Variants in LRP1B observed in about 807,000 individuals in gnomAD.
LRP1B encodes the protein LDL receptor related protein 1B.
LRP1B carries 217 observed loss-of-function variants against 556.6 expected under a neutral mutation model. The ratio of observed to expected loss-of-function variants is 0.39; its 90% CI spans 0.35 to 0.44. LRP1B has a LOEUF of 0.44. Among genes scored for constraint, LRP1B ranks in the 20% least tolerant of loss-of-function variants. LRP1B has a pLI of 1.00. For synonymous variants in LRP1B, 2,047 were observed against 1,865.8 expected (o/e 1.10, Z -2.50); for missense variants, 5,053 against 5,620.8 (o/e 0.90, Z 3.23).
chr2:141,693,171 C>A (rs992551882), intron 2 of LRP1B, among the ~76,000 whole-genome samples: 1 of 152,010 alleles, frequency 6.6e-6, no homozygotes, highest in African/African-American at 2.4e-5. Flanking sequence ...AAAGTAGAGT[C>A]TTTTTGTCCT....
chr2:140,760,026 G>C (rs1688861897), intron 35 of LRP1B, among the ~76,000 whole-genome samples: 1 of 151,340 alleles, frequency 6.6e-6, no homozygotes. Flanking sequence ...AAACTTCAAA[G>C]AATGGTTGGA....
At chr2:140,600,395 T>C (rs1333331786) in intron 42 of LRP1B, among the ~76,000 whole-genome samples, 1 of 152,170 alleles carries the variant, frequency 6.6e-6, no homozygotes, top group Non-Finnish European at 1.5e-5. Flanking sequence ...TAAGATGATG[T>C]TCAATTAAGT....
At chr2:142,031,332 T>TTA (rs1553506162) in intron 1 of LRP1B, among the ~76,000 whole-genome samples, 18 of 122,482 alleles carry the variant, frequency 1.5e-4, no homozygotes, top group African/African-American at 5.5e-4. Context: ...TTATACTTAT[T>TTA]TTTTTTTTTT....
At chr2:141,850,109 G>A (rs1473117712) in intron 1 of LRP1B, among the ~76,000 whole-genome samples, 1 of 151,570 alleles carries the variant, frequency 6.6e-6, no homozygotes, top group Non-Finnish European at 1.5e-5. Flanking sequence ...TGATTCATTC[G>A]ATTTTGTTAA....
intron 2 of LRP1B, among the ~76,000 whole-genome samples, chr2:141,719,109 T>TA (rs1378848887): frequency 6.6e-6 from 1 of 152,020 alleles, no homozygotes; most frequent in Non-Finnish European, 1.5e-5. Flanking sequence ...GTGAGAAAAA[T>TA]AGACTTGCTG....
rs1687922196 is a variant in LRP1B at position 140,475,215 on chromosome 2, T to C, written c.9548A>G (p.Tyr3183Cys). 1 of 1,611,720 alleles carries C rather than the reference T, an allele frequency of 6.2e-7. No homozygotes were observed. The change falls in exon 60 of 91, where the codon TAT (tyrosine) becomes TGT (cysteine). Residue 3183 changes from tyrosine (Y) to cysteine (C), a missense_variant. This residue lies in a region of LRP1B where 3,619 missense variants were observed against 3,931.9 expected (regional missense o/e 0.92). Transcript: ENST00000389484. Reference protein sequence around the residue: ...ISRPMALTIDYVNRRLYWADE... With the variant: ...ISRPMALTIDCVNRRLYWADE... ...GGCCCAGTAGAGTCTACGATTAACA[T>C]AATCTATTGTTAGTGCCATAGGTCT...
intron 2 of LRP1B, among the ~76,000 whole-genome samples, chr2:141,588,853 T>A (rs927606392): frequency 3.9e-5 from 6 of 152,178 alleles, no homozygotes; most frequent in African/African-American, 1.4e-4. Context: ...GGAAATAAAT[T>A]TTATGTGTTA....
intron 23 of LRP1B, chr2:140,898,659 T>C: frequency 2.3e-6 from 1 of 440,694 alleles, no homozygotes; most frequent in Non-Finnish European, 4.5e-6. Context: ...CCTAATGAGA[T>C]TATGCAATCC....
chr2:140,610,132 C>T (rs1370860888), intron 41 of LRP1B, among the ~76,000 whole-genome samples: 1 of 151,896 alleles, frequency 6.6e-6, no homozygotes, highest in Non-Finnish European at 1.5e-5. Context: ...TCTTCACCTA[C>T]TTCATTTCCT....
Position 140,526,289 on chromosome 2 carries a change from T to C in LRP1B, c.7824A>G (p.Ala2608=). 2 of 1,612,084 alleles carry C rather than the reference T, an allele frequency of 1.2e-6. No homozygotes were observed. The highest frequency in any genetic ancestry group is 1.7e-6 in the Non-Finnish European group (2 of 1,178,658). Residue 2608 remains alanine (A), a synonymous_variant, in exon 48 of 91, where the codon GCA becomes GCG. Transcript: ENST00000389484. ...CADGTCIPRS[A]RCNQNIDCAD... ...CACAATCTATGTTCTGGTTGCATCG[T>C]GCTGATCTTGGAATACAAGTCCCAT...
At chr2:141,652,863 G>A (rs901662411) in intron 2 of LRP1B, among the ~76,000 whole-genome samples, 1 of 152,068 alleles carries the variant, frequency 6.6e-6, no homozygotes, top group Non-Finnish European at 1.5e-5. Context: ...TCTACCTCTT[G>A]TCATATATAA....
At chr2:140,510,103 G>A (rs762010988) in intron 51 of LRP1B, 47 bp from the exon 52 acceptor site, 1 of 1,593,812 alleles carries the variant, frequency 6.3e-7, no homozygotes, top group Non-Finnish European at 8.6e-7. Flanking sequence ...TGTGTCCACT[G>A]GAAAATGTCT....
rs78584557 is a variant in LRP1B at position 140,986,781 on chromosome 2, T to C, written c.2770+2751A>G. 2.8e-3 allele frequency among the ~76,000 whole-genome samples: 420 copies of C among 152,312 alleles called. 3 individuals are homozygous for C. Among genetic ancestry groups the C allele is most frequent in the African/African-American group, 9.2e-3 (382 of 41,580 alleles). ...GAGGAAAGGCATTGTGTATTTTCTTTCATTCTATCACCAGTGCTTTGGTAG... is the reference window on the plus strand; with the variant it reads ...GAGGAAAGGCATTGTGTATTTTCTTCCATTCTATCACCAGTGCTTTGGTAG... On this transcript the variant is annotated intron_variant, in intron 17 of 90. Transcript: ENST00000389484.
chr2:141,387,070 T>C (rs1379414060), intron 3 of LRP1B, among the ~76,000 whole-genome samples: 2 of 151,910 alleles, frequency 1.3e-5, no homozygotes, highest in Admixed American at 6.6e-5. Flanking sequence ...CTGCCAAATA[T>C]GTAGAAATTT....
intron 10 of LRP1B, among the ~76,000 whole-genome samples, chr2:141,051,089 A>C (rs1699021986): frequency 6.6e-6 from 1 of 152,122 alleles, no homozygotes; most frequent in Non-Finnish European, 1.5e-5. Flanking sequence ...ACTATCTCGC[A>C]CCAGTCAAAA....
At chr2:141,544,314 T>TTCTTCTTCTTCTTCTTCTTCTTCTTCTTC (rs1685406653) in intron 2 of LRP1B, among the ~76,000 whole-genome samples, 1 of 23,706 alleles carries the variant, frequency 4.2e-5, no homozygotes, top group African/African-American at 2.6e-4. Context: ...CTTCTTCTTC[T>TTCTTCTTCTTCTTCTTCTTCTTCTTCTTC]TCTTCTTCTT....
chr2:140,280,862 A>G (rs190404727), intron 84 of LRP1B, among the ~76,000 whole-genome samples: 5 of 151,966 alleles, frequency 3.3e-5, no homozygotes, highest in Non-Finnish European at 5.9e-5. Flanking sequence ...AGTAGAGTGA[A>G]CCATGAACTT....
intron 82 of LRP1B, among the ~76,000 whole-genome samples, chr2:140,315,363 GAAT>G (rs1411972831): frequency 1.3e-5 from 2 of 151,916 alleles, no homozygotes; most frequent in African/African-American, 2.4e-5. Flanking sequence ...GTAAAATACT[GAAT>G]AGTAAAACTA....
chr2:141,487,183 C>A (rs1683153666), intron 2 of LRP1B, among the ~76,000 whole-genome samples: 1 of 152,156 alleles, frequency 6.6e-6, no homozygotes. Flanking sequence ...TCTTTTCCTG[C>A]AACTTTTCTG....
Sources: allele counts gnomAD v4.1 joint callset (sites outside exome capture counted in the v4.1 genomes callset), GRCh38; gene constraint gnomAD v4.1.1; regional missense constraint gnomAD v4.1.1; transcripts MANE v1.5; gene names NCBI Gene and HGNC (gene_info 2026-07-23, HGNC 2026-07-21).